EIF3D: variants seen among roughly 807,000 people sequenced by gnomAD.
The protein encoded by EIF3D is eIF3 p66.
A neutral mutation model predicts 75.4 loss-of-function variants in EIF3D; 10 were observed. The ratio of observed to expected loss-of-function variants is 0.13; its 90% CI spans 0.08 to 0.22. EIF3D has a LOEUF of 0.22. Among genes scored for constraint, EIF3D ranks in the 10% least tolerant of loss-of-function variants. The probability of loss-of-function intolerance (pLI) is 1.00; values close to 1 mark genes in which losing one functional copy is unlikely to be tolerated. For synonymous variants in EIF3D, 246 were observed against 248.3 expected (o/e 0.99, Z 0.09); for missense variants, 394 against 708.0 (o/e 0.56, Z 5.03).
At chr22:36,528,466 C>T (rs1934641983) in intron 1 of EIF3D, among the ~76,000 whole-genome samples, 1 of 151,352 alleles carries the variant, frequency 6.6e-6, no homozygotes, top group Admixed American at 6.6e-5. Flanking sequence ...GAAACTGAGC[C>T]GCTCAGCAAA....
intron 10 of EIF3D, 46 bp downstream of exon 10, chr22:36,517,255 C>A: frequency 6.2e-7 from 1 of 1,612,560 alleles, no homozygotes; most frequent in Non-Finnish European, 8.5e-7. Flanking sequence ...CAAACAGCAG[C>A]TGATTAAATA....
In EIF3D at chr22:36,519,403, A is replaced by C. The variant is rs1934476804; in HGVS notation, c.711+2T>G. 1 of 1,614,004 alleles carries C rather than the reference A, an allele frequency of 6.2e-7. No individual in the cohort carries two copies. On this transcript the variant is annotated splice_donor_variant, in intron 8 of 14. Transcript: ENST00000216190. LOFTEE classifies it high-confidence loss of function. ...GGGAGAGGGGCAGAAGGAGGCGCACACCTTGCGGATGACAGGGTCGTCTGT... is the reference window on the plus strand; with the variant it reads ...GGGAGAGGGGCAGAAGGAGGCGCACCCCTTGCGGATGACAGGGTCGTCTGT...
At chr22:36,527,466 A>AT (rs1488307379) in intron 1 of EIF3D, among the ~76,000 whole-genome samples, 1 of 152,242 alleles carries the variant, frequency 6.6e-6, no homozygotes, top group African/African-American at 2.4e-5. Flanking sequence ...CTTCTATAAA[A>AT]AAACCTATGC....
intron 6 of EIF3D, among the ~76,000 whole-genome samples, chr22:36,521,119 G>C (rs1050234994): frequency 2.0e-5 from 3 of 152,320 alleles, no homozygotes; most frequent in Admixed American, 6.5e-5. Context: ...AGAACAGCTT[G>C]AATCTGGGAG....
At chr22:36,512,712 T>C (rs1934359536) in intron 12 of EIF3D, 110 bp from the exon 13 acceptor site, 1 of 1,288,354 alleles carries the variant, frequency 7.8e-7, no homozygotes, top group African/African-American at 1.5e-5. Context: ...AGAAAGTGGG[T>C]AGGTACGCAC....
chr22:36,513,206 A>G (rs548601140), intron 12 of EIF3D, among the ~76,000 whole-genome samples: 45 of 152,314 alleles, frequency 3.0e-4, no homozygotes, highest in African/African-American at 1.0e-3. Flanking sequence ...CCAGAGTGAA[A>G]TGACTGGTCA....
chr22:36,513,851 CA>C (rs1934379622), intron 12 of EIF3D, among the ~76,000 whole-genome samples: 1 of 152,194 alleles, frequency 6.6e-6, no homozygotes, highest in Non-Finnish European at 1.5e-5. Context: ...CTACTGCATA[CA>C]GCTTGCTGGG....
intron 12 of EIF3D, among the ~76,000 whole-genome samples, chr22:36,515,509 CA>C (rs1364777892): frequency 3.3e-5 from 5 of 152,030 alleles, no homozygotes; most frequent in Non-Finnish European, 5.9e-5. Context: ...GCCTGGGCAA[CA>C]AGAGCGAAAC....
chr22:36,515,790 C>A (rs16996833), intron 12 of EIF3D, among the ~76,000 whole-genome samples: 3,956 of 151,528 alleles, frequency 0.026, 174 homozygotes, highest in African/African-American at 0.091. Flanking sequence ...ACAGGCACGA[C>A]GGCCCTGAAT....
intron 2 of EIF3D, 95 bp from the exon 3 acceptor site, chr22:36,525,804 G>T: frequency 6.6e-7 from 1 of 1,524,240 alleles, no homozygotes; most frequent in Non-Finnish European, 8.9e-7. Context: ...CAGCGTGGAA[G>T]AGTCTCAGAA....
intron 6 of EIF3D, among the ~76,000 whole-genome samples, chr22:36,522,756 C>T (rs1487064992): frequency 1.3e-5 from 2 of 152,124 alleles, no homozygotes; most frequent in Non-Finnish European, 1.5e-5. Context: ...GAGATTAGGT[C>T]GTTAAAAGGA....
intron 6 of EIF3D, among the ~76,000 whole-genome samples, chr22:36,522,128 T>C (rs1603498977): frequency 6.6e-6 from 1 of 152,000 alleles, no homozygotes; most frequent in Admixed American, 6.6e-5. Context: ...CTGAGGTGGG[T>C]GGACTGCTTG....
intron 13 of EIF3D, among the ~76,000 whole-genome samples, 171 bp from the exon 14 acceptor site, chr22:36,511,957 C>G (rs1316299440): frequency 6.7e-6 from 1 of 150,080 alleles, no homozygotes; most frequent in Admixed American, 6.7e-5. Context: ...GTGGCGCCAT[C>G]TTGGCTCACT....
At chr22:36,512,693 T>G (rs923351394) in intron 12 of EIF3D, 91 bp from the exon 13 acceptor site, 2 of 1,464,686 alleles carry the variant, frequency 1.4e-6, no homozygotes, top group African/African-American at 1.4e-5. Context: ...CTCCCTAGTC[T>G]GCTTGCTTAG....
At position 36,519,438 on chromosome 22, in the gene EIF3D, A is replaced by G. The variant is rs1934477185; in HGVS notation, c.678T>C (p.Thr226=). The part of the protein sequence containing the change: ...PLRSIKRIFH[T]VTTTDDPVIR... Reference sequence around the variant, plus strand: ...TGACAGGGTCGTCTGTGGTGGTGACAGTGTGGAAGATGCGCTTGATGCTCC... The same window carrying G: ...TGACAGGGTCGTCTGTGGTGGTGACGGTGTGGAAGATGCGCTTGATGCTCC... The change falls in exon 8 of 15, where the codon ACT becomes ACC. Residue 226 remains threonine, a synonymous_variant. Transcript: ENST00000216190. The G allele has an allele frequency of 1.2e-6, 2 of 1,614,098 alleles. No individual in the cohort carries two copies. Among genetic ancestry groups the G allele is most frequent in the African/African-American group, 2.7e-5 (2 of 74,930 alleles).
intron 12 of EIF3D, chr22:36,516,253 A>C: frequency 2.1e-6 from 1 of 473,174 alleles, no homozygotes; most frequent in South Asian, 4.1e-5. Context: ...AAATAAGCAG[A>C]AAAGTTCTTA....
chr22:36,511,354 T>C (rs1466864275), intron 14 of EIF3D, 149 bp downstream of exon 14: 1 of 1,465,860 alleles, frequency 6.8e-7, no homozygotes, highest in African/African-American at 1.4e-5. Context: ...TAGAAGAAGC[T>C]CTTGGAGCCA....
At chr22:36,522,874 G>A (rs555384616) in intron 6 of EIF3D, among the ~76,000 whole-genome samples, 1 of 152,296 alleles carries the variant, frequency 6.6e-6, no homozygotes, top group Admixed American at 6.5e-5. Context: ...ATGCTATCAA[G>A]CAGCATGAGG....
chr22:36,526,214 CATAA>C, intron 1 of EIF3D, 83 bp from the exon 2 acceptor site: 1 of 1,394,956 alleles, frequency 7.2e-7, no homozygotes, highest in Non-Finnish European at 9.5e-7. Flanking sequence ...TAAGCAAAGA[CATAA>C]ATGATAGAAC....
Sources: gnomAD v4.1 joint callset for allele counts (sites outside exome capture counted in the v4.1 genomes callset) on GRCh38, gnomAD v4.1.1 for gene constraint, MANE v1.5 for transcripts, NCBI Gene and HGNC (gene_info 2026-07-23, HGNC 2026-07-21) for gene names.